Variants in XXYLT1 observed in about 807,000 individuals in gnomAD.
XXYLT1 encodes UDP-xylose:alpha-xyloside alpha-1,3-xylosyltransferase.
In XXYLT1, 20 loss-of-function variants were observed where a neutral mutation model predicts 28.9. The observed-to-expected ratio is 0.69, with a 90% CI of 0.49 to 1.00. XXYLT1 has a LOEUF of 1.00. XXYLT1 is among the 50% of genes least tolerant of loss of function. The probability of loss-of-function intolerance (pLI) is 0.00; values close to 1 mark genes in which losing one functional copy is unlikely to be tolerated. For synonymous variants in XXYLT1, 257 were observed against 253.8 expected (o/e 1.01, Z -0.12); for missense variants, 542 against 560.1 (o/e 0.97, Z 0.33).
chr3:195,128,358 C>G (rs990146245), intron 3 of XXYLT1, among the ~76,000 whole-genome samples: 1 of 152,124 alleles, frequency 6.6e-6, no homozygotes, highest in Non-Finnish European at 1.5e-5. Context: ...CCAGCTGCCC[C>G]CCTTAAATCT....
In XXYLT1 at chr3:195,176,243, G is replaced by C. The variant is rs553304245; in HGVS notation, c.653-19662C>G. Among the ~76,000 whole-genome samples, 17 of 152,260 alleles carry C rather than the reference G, an allele frequency of 1.1e-4. No individual in the cohort carries two copies. In the South Asian group the frequency reaches 2.7e-3, roughly 24 times the overall value. On this transcript the variant is annotated intron_variant, in intron 2 of 3. Coordinates refer to ENST00000310380, the MANE Select transcript of XXYLT1 (RefSeq NM_152531.5). This position sits in a 1 kb window ranked among gnomAD's most constrained non-coding sequence, Gnocchi z 4.9. ...CGCTAATTTCTGTATTTTTTGTAGA[G>C]ACAGGGTTTCACCATGTTGCCCAGG... is the stretch of plus-strand genomic sequence containing the variant.
chr3:195,114,964 C>G (rs1717968603), intron 3 of XXYLT1, among the ~76,000 whole-genome samples: 1 of 152,218 alleles, frequency 6.6e-6, no homozygotes, highest in Non-Finnish European at 1.5e-5. Flanking sequence ...TGGGTGGAGG[C>G]TGAGCTTGGG....
At chr3:195,204,501 C>T (rs1040210455) in intron 2 of XXYLT1, among the ~76,000 whole-genome samples, 1 of 151,868 alleles carries the variant, frequency 6.6e-6, no homozygotes, top group African/African-American at 2.4e-5. Flanking sequence ...CTCTCTCTCT[C>T]TCTCAGTGGC....
chr3:195,267,407 G>A (rs1725878148), intron 1 of XXYLT1, among the ~76,000 whole-genome samples: 1 of 152,234 alleles, frequency 6.6e-6, no homozygotes, highest in African/African-American at 2.4e-5. Context: ...TAGGATGCAG[G>A]TCCAGCCACA....
intron 3 of XXYLT1, among the ~76,000 whole-genome samples, chr3:195,075,999 G>T (rs932616689): frequency 6.6e-6 from 1 of 152,062 alleles, no homozygotes; most frequent in Non-Finnish European, 1.5e-5. Context: ...ACCGCAGAGG[G>T]CTTCCCCTCC....
At chr3:195,190,147 T>C (rs1043712658) in intron 2 of XXYLT1, among the ~76,000 whole-genome samples, 1 of 142,616 alleles carries the variant, frequency 7.0e-6, no homozygotes, top group African/African-American at 3.1e-5. Context: ...AAAAAGAACA[T>C]TTCTGTATAA....
At chr3:195,083,262 C>T (rs1577004440) in intron 3 of XXYLT1, among the ~76,000 whole-genome samples, 1 of 152,144 alleles carries the variant, frequency 6.6e-6, no homozygotes, top group Admixed American at 6.5e-5. Flanking sequence ...TGATAACCCC[C>T]TGCGTATACC....
intron 3 of XXYLT1, among the ~76,000 whole-genome samples, chr3:195,109,599 T>TGC (rs1717357216): frequency 1.3e-5 from 1 of 79,390 alleles, no homozygotes; most frequent in Non-Finnish European, 3.0e-5. Flanking sequence ...TGCACGTGTG[T>TGC]GTGGTGTGTG....
At chr3:195,222,528 ACCCTTGG>A (rs2108796784) in intron 2 of XXYLT1, among the ~76,000 whole-genome samples, 1 of 152,220 alleles carries the variant, frequency 6.6e-6, no homozygotes, top group Non-Finnish European at 1.5e-5. Context: ...CAGTAATGCT[ACCCTTGG>A]GAGCTATCAT....
chr3:195,207,317 C>A (rs1042319820), intron 2 of XXYLT1: 1 of 366,016 alleles, frequency 2.7e-6, no homozygotes, highest in Non-Finnish European at 5.4e-6. Context: ...AGATGCCACA[C>A]GTCTGGCTGG....
At chr3:195,254,252 T>C (rs1419388580) in intron 1 of XXYLT1, among the ~76,000 whole-genome samples, 2 of 152,182 alleles carry the variant, frequency 1.3e-5, no homozygotes, top group African/African-American at 2.4e-5. Flanking sequence ...CAGGTTAAAT[T>C]TGCCCTGAAA....
intron 2 of XXYLT1, among the ~76,000 whole-genome samples, chr3:195,191,891 A>G (rs963611614): frequency 3.3e-5 from 5 of 152,252 alleles, no homozygotes; most frequent in Admixed American, 2.0e-4. Context: ...AAAGAGAAAT[A>G]GAGAATTCAA....
At chr3:195,157,143 T>C (rs998582954) in intron 2 of XXYLT1, among the ~76,000 whole-genome samples, 1 of 147,898 alleles carries the variant, frequency 6.8e-6, no homozygotes, top group Admixed American at 7.0e-5. Flanking sequence ...GTCAGTAGGC[T>C]GAGGCAGGAG....
intron 3 of XXYLT1, among the ~76,000 whole-genome samples, chr3:195,113,274 G>A (rs1717878047): frequency 6.6e-6 from 1 of 152,212 alleles, no homozygotes; most frequent in Non-Finnish European, 1.5e-5. Flanking sequence ...CATCTGGCGG[G>A]AGCTCGGAAA....
At chr3:195,169,291 G>A (rs924944991) in intron 2 of XXYLT1, among the ~76,000 whole-genome samples, 23 of 152,364 alleles carry the variant, frequency 1.5e-4, no homozygotes, top group African/African-American at 5.5e-4. Context: ...AGTCTGCCAC[G>A]GTGAGTGTTC....
In XXYLT1 at chr3:195,078,291, G is replaced by T. The variant is rs1173373357; in HGVS notation, c.786-8180C>A. Among the ~76,000 whole-genome samples, 2 of 152,078 alleles carry T rather than the reference G, an allele frequency of 1.3e-5. No individual in the cohort carries two copies. Among genetic ancestry groups the T allele is most frequent in the African/African-American group, 4.8e-5 (2 of 41,408 alleles). On this transcript the variant is annotated intron_variant, in intron 3 of 3. Coordinates refer to ENST00000310380, the MANE Select transcript of XXYLT1 (RefSeq NM_152531.5). The surrounding 1 kb of genome is among the most constrained non-coding windows in gnomAD (Gnocchi z 5.0). ...TTCTGACATTTAGGGCGTGGAAGAAGAGGAGCCAGGAAGATGCAGGGCGTT... is the reference window on the plus strand; with the variant it reads ...TTCTGACATTTAGGGCGTGGAAGAATAGGAGCCAGGAAGATGCAGGGCGTT...
chr3:195,197,782 C>T (rs925621524), intron 2 of XXYLT1, among the ~76,000 whole-genome samples: 4 of 152,350 alleles, frequency 2.6e-5, no homozygotes, highest in Admixed American at 2.6e-4. Context: ...TACTGACCTG[C>T]CATCAGCGTT....
At chr3:195,135,802 G>A (rs181154144) in intron 3 of XXYLT1, among the ~76,000 whole-genome samples, 2 of 152,276 alleles carry the variant, frequency 1.3e-5, no homozygotes, top group African/African-American at 4.8e-5. Context: ...ATGGATGGAC[G>A]GATGGACAGA....
chr3:195,269,295 A>G (rs1725941643), intron 1 of XXYLT1, among the ~76,000 whole-genome samples: 1 of 152,282 alleles, frequency 6.6e-6, no homozygotes, highest in Non-Finnish European at 1.5e-5. Flanking sequence ...AGTTTCTCAA[A>G]TATTAGGGTC....
Sources: allele counts gnomAD v4.1 joint callset (sites outside exome capture counted in the v4.1 genomes callset), GRCh38; gene constraint gnomAD v4.1.1; non-coding constraint Gnocchi (gnomAD v3.1); transcripts MANE v1.5; gene names NCBI Gene and HGNC (gene_info 2026-07-23, HGNC 2026-07-21).